Variants in TTLL11 observed in about 807,000 individuals in gnomAD.
TTLL11 encodes tubulin polyglutamylase TTLL11.
A neutral mutation model predicts 51.7 loss-of-function variants in TTLL11; 42 were observed. The observed-to-expected ratio is 0.81, with a 90% CI of 0.64 to 1.05. The LOEUF (loss-of-function observed/expected upper bound fraction) is 1.05. Among genes scored for constraint, TTLL11 ranks in the 50% least tolerant of loss-of-function variants. The pLI is 0.00. For missense variants in TTLL11, 799 were observed against 940.4 expected (o/e 0.85, Z 1.97); for synonymous variants, 381 against 383.5 (o/e 0.99, Z 0.08).
chr9:122,033,822 A>G (rs559181081), intron 2 of TTLL11, among the ~76,000 whole-genome samples: 250 of 152,338 alleles, frequency 1.6e-3, no homozygotes, highest in African/African-American at 5.9e-3. Flanking sequence ...CTTAAAAAGC[A>G]CTAATAAACT....
At chr9:122,020,986 T>C (rs559177521) in intron 3 of TTLL11, among the ~76,000 whole-genome samples, 1 of 152,340 alleles carries the variant, frequency 6.6e-6, no homozygotes, top group East Asian at 1.9e-4. Context: ...ACTCAGCAAA[T>C]GTTGCTATTG....
intron 3 of TTLL11, among the ~76,000 whole-genome samples, chr9:122,008,291 A>T (rs1175756957): frequency 1.3e-5 from 2 of 152,228 alleles, no homozygotes; most frequent in Non-Finnish European, 2.9e-5. Flanking sequence ...AAATAAAGAG[A>T]CAACCTATGG....
At chr9:121,876,830 C>T (rs1838583003) in intron 6 of TTLL11, among the ~76,000 whole-genome samples, 1 of 152,186 alleles carries the variant, frequency 6.6e-6, no homozygotes. Context: ...CACCCCAGAC[C>T]TACTGACTCA....
chr9:122,028,283 A>T (rs746907596), intron 3 of TTLL11, among the ~76,000 whole-genome samples: 6 of 152,192 alleles, frequency 3.9e-5, no homozygotes, highest in Non-Finnish European at 7.3e-5. Context: ...TGGACTAAAC[A>T]CACAAATCAA....
At chr9:121,882,013 T>C (rs1160069038) in intron 6 of TTLL11, among the ~76,000 whole-genome samples, 1 of 152,210 alleles carries the variant, frequency 6.6e-6, no homozygotes, top group Non-Finnish European at 1.5e-5. Context: ...ATAGGGATAA[T>C]AACTCTCCCT....
intron 7 of TTLL11, among the ~76,000 whole-genome samples, chr9:121,865,867 G>A (rs1408812368): frequency 6.6e-6 from 1 of 152,048 alleles, no homozygotes. Flanking sequence ...CTTATTTCTT[G>A]GTGAAAAAGA....
At chr9:121,868,540 G>C (rs144533570) in intron 7 of TTLL11, among the ~76,000 whole-genome samples, 107 of 152,184 alleles carry the variant, frequency 7.0e-4, no homozygotes, top group African/African-American at 2.4e-3. Flanking sequence ...ACTCAACCAT[G>C]ATGGCTGGAT....
chr9:122,004,641 G>A (rs183413545), intron 3 of TTLL11, among the ~76,000 whole-genome samples: 163 of 152,136 alleles, frequency 1.1e-3, no homozygotes, highest in African/African-American at 3.4e-3. Flanking sequence ...ATACTCTCTC[G>A]TTCATCTTTC....
Position 122,015,805 on chromosome 9 carries a change from G to T in TTLL11, c.693+15918C>A, listed in dbSNP as rs893079971. Among the ~76,000 whole-genome samples the T allele has an allele frequency of 4.0e-5, 3 of 75,174 alleles. No individual in the cohort carries two copies. The South Asian group carries it at 9.8e-4, about 25-fold the overall frequency. 49.3% of individuals were successfully genotyped at this position (75,174 alleles called of 152,430 possible). On this transcript the variant is annotated intron_variant, in intron 3 of 8. Coordinates refer to ENST00000321582, the MANE Select transcript of TTLL11 (RefSeq NM_001139442.2). ...ACTTTTGATGACTAAACTCAAAAGA[G>T]ACAAAAAAAAAAAAAAAAGAAAGAA... is the stretch of plus-strand genomic sequence containing the variant.
chr9:121,866,436 G>C (rs1838176412), intron 7 of TTLL11, among the ~76,000 whole-genome samples: 1 of 152,098 alleles, frequency 6.6e-6, no homozygotes, highest in Non-Finnish European at 1.5e-5. Flanking sequence ...GAGGCGGGTG[G>C]ATCACCTGAG....
At chr9:121,946,250 C>T (rs148519407) in intron 6 of TTLL11, among the ~76,000 whole-genome samples, 6 of 152,286 alleles carry the variant, frequency 3.9e-5, no homozygotes, top group East Asian at 1.9e-4. Flanking sequence ...CATCAAAAAG[C>T]GTGGCATGCT....
At chr9:121,947,053 C>A (rs1049750408) in intron 6 of TTLL11, among the ~76,000 whole-genome samples, 5 of 152,010 alleles carry the variant, frequency 3.3e-5, no homozygotes, top group African/African-American at 4.8e-5. Context: ...TCCAGGTAGC[C>A]CAGCTCTCAA....
intron 3 of TTLL11, among the ~76,000 whole-genome samples, chr9:121,990,929 G>T (rs1244913789): frequency 6.6e-6 from 1 of 152,182 alleles, no homozygotes. Flanking sequence ...CCCTGATGCT[G>T]GTGAGGTGCT....
In TTLL11 at chr9:121,890,430, T is replaced by C. The variant is rs7866273; in HGVS notation, c.1482-19682A>G. Among the ~76,000 whole-genome samples the C allele has an allele frequency of 0.79, 120,755 of 151,990 alleles. 48,130 individuals are homozygous for C. Among genetic ancestry groups the C allele is most frequent in the East Asian group, 0.9 (4,657 of 5,150 alleles). On this transcript the variant is annotated intron_variant, in intron 6 of 8. Coordinates refer to ENST00000321582, the MANE Select transcript of TTLL11 (RefSeq NM_001139442.2). This position sits in a 1 kb window ranked among gnomAD's most constrained non-coding sequence, Gnocchi z 4.3. ...TGTGTCCTTCATGTCATAGCCAAAATCCCCAAGCCTGTCCCTGGCTCACTC... is the reference window on the plus strand; with the variant it reads ...TGTGTCCTTCATGTCATAGCCAAAACCCCCAAGCCTGTCCCTGGCTCACTC...
At chr9:122,067,170 C>A (rs958567759) in intron 1 of TTLL11, among the ~76,000 whole-genome samples, 1 of 152,176 alleles carries the variant, frequency 6.6e-6, no homozygotes, top group Non-Finnish European at 1.5e-5. Context: ...CCTTTGTGAA[C>A]CCATCCCCTT....
intron 3 of TTLL11, among the ~76,000 whole-genome samples, chr9:122,006,645 C>T (rs571906906): frequency 1.1e-4 from 16 of 152,174 alleles, no homozygotes; most frequent in East Asian, 5.8e-4. Flanking sequence ...CAGAGTATAA[C>T]GGTGCCAAAG....
intron 6 of TTLL11, among the ~76,000 whole-genome samples, chr9:121,941,129 G>A (rs1841446144): frequency 2.0e-5 from 3 of 152,222 alleles, no homozygotes; most frequent in African/African-American, 7.2e-5. Flanking sequence ...ATGTAAGGAA[G>A]ACCTCAGGAT....
chr9:121,895,184 C>G (rs1357615131), intron 6 of TTLL11, among the ~76,000 whole-genome samples: 1 of 152,324 alleles, frequency 6.6e-6, no homozygotes, highest in East Asian at 1.9e-4. Flanking sequence ...GAATCCTTCT[C>G]TCTTTCATCT....
In TTLL11 at chr9:121,917,641, G is replaced by GAGGGAAGGA. The variant is rs1165559088; in HGVS notation, c.1482-46902_1482-46894dup. ...GGAAGGGGAGGGAAGGGAGGGAAGG[G>GAGGGAAGGA]AGGGAAGGAAGGGAAGGAAAGAAAG... On this transcript the variant is annotated intron_variant, in intron 6 of 8. Transcript: ENST00000321582. 9.9e-5 allele frequency among the ~76,000 whole-genome samples: 14 copies of GAGGGAAGGA among 141,270 alleles called. 1 individual carries two copies. The Admixed American group carries it at 1.0e-3, about 10-fold the overall frequency. 92.7% of individuals were successfully genotyped at this position (141,270 alleles called of 152,430 possible). A position where few individuals can be genotyped will look rare whatever the true frequency, so the allele number is the denominator to read the frequency against.
Sources: allele counts gnomAD v4.1 joint callset (sites outside exome capture counted in the v4.1 genomes callset), GRCh38; gene constraint gnomAD v4.1.1; non-coding constraint Gnocchi (gnomAD v3.1); transcripts MANE v1.5; gene names NCBI Gene and HGNC (gene_info 2026-07-23, HGNC 2026-07-21).